The following DIXDC1 variants were observed in gnomAD, a reference collection of about 807,000 sequenced individuals.
DIXDC1 encodes DIX domain containing 1.
DIXDC1 carries 64 observed loss-of-function variants against 103.1 expected under a neutral mutation model. That is an observed-to-expected ratio of 0.62 (90% CI 0.51 to 0.76). DIXDC1 has a LOEUF of 0.76. DIXDC1 is among the 30% of genes least tolerant of loss of function. DIXDC1 has a pLI of 0.00. For missense variants in DIXDC1, 759 were observed against 834.2 expected (o/e 0.91, Z 1.11); for synonymous variants, 266 against 298.5 (o/e 0.89, Z 1.12).
intron 1 of DIXDC1, among the ~76,000 whole-genome samples, chr11:111,947,136 G>GT (rs1232687647): frequency 6.6e-6 from 1 of 152,108 alleles, no homozygotes; most frequent in African/African-American, 2.4e-5. Flanking sequence ...GAGAGTAGGG[G>GT]TGGGGGCTTG....
chr11:111,955,665 T>C (rs2137484254), intron 1 of DIXDC1, among the ~76,000 whole-genome samples: 1 of 151,514 alleles, frequency 6.6e-6, no homozygotes, highest in Middle Eastern at 3.4e-3. Flanking sequence ...TGAAACCCCA[T>C]CTCTACTAAA....
intron 2 of DIXDC1, among the ~76,000 whole-genome samples, 164 bp downstream of exon 2, chr11:111,964,842 C>T (rs774016399): frequency 1.3e-5 from 2 of 152,094 alleles, no homozygotes; most frequent in East Asian, 1.9e-4. Context: ...TTTATTTATT[C>T]GTCAATAAAC....
rs1859483211 is a variant in DIXDC1, at chr11:111,958,945, G to C, written c.61-5604G>C. Among the ~76,000 whole-genome samples, 1 of 152,090 alleles carries C rather than the reference G, an allele frequency of 6.6e-6. No individual in the cohort carries two copies. Among genetic ancestry groups the C allele is most frequent in the South Asian group, 2.1e-4 (1 of 4,816 alleles). On this transcript the variant is annotated intron_variant, in intron 1 of 19. Coordinates refer to ENST00000440460, the MANE Select transcript of DIXDC1 (RefSeq NM_001037954.4). This position sits in a 1 kb window ranked among gnomAD's most constrained non-coding sequence, Gnocchi z 4.2. ...ATGGGAAAACCAGCCAAGGAGAAGA[G>C]CTACCCACTCCAGGGTCTTCACTCT...
intron 15 of DIXDC1, 131 bp downstream of exon 15, chr11:111,995,239 G>T: frequency 7.6e-7 from 1 of 1,313,028 alleles, no homozygotes; most frequent in Middle Eastern, 2.1e-4. Flanking sequence ...AGTGTGTAAA[G>T]ATGTGAGGCA....
At chr11:111,944,998 A>G (rs1966544861) in intron 1 of DIXDC1, among the ~76,000 whole-genome samples, 1 of 152,216 alleles carries the variant, frequency 6.6e-6, no homozygotes, top group Non-Finnish European at 1.5e-5. Context: ...TAGTTCGGTT[A>G]CAAGTGCCAA....
intron 17 of DIXDC1, among the ~76,000 whole-genome samples, chr11:112,002,044 A>G (rs1426957458): frequency 1.3e-5 from 2 of 152,112 alleles, no homozygotes; most frequent in Non-Finnish European, 2.9e-5. Context: ...GGGGTGAGCC[A>G]CTGCGCCTGG....
chr11:111,988,330 T>TC (rs1165582344), intron 9 of DIXDC1, among the ~76,000 whole-genome samples: 2 of 152,224 alleles, frequency 1.3e-5, no homozygotes, highest in African/African-American at 2.4e-5. Flanking sequence ...ATCTGTGGAG[T>TC]CCAAGTTACA....
At chr11:111,957,511 G>A (rs1360474057) in intron 1 of DIXDC1, among the ~76,000 whole-genome samples, 3 of 152,172 alleles carry the variant, frequency 2.0e-5, no homozygotes, top group Non-Finnish European at 4.4e-5. Flanking sequence ...GAGATGTATT[G>A]GCATCATGTG....
intron 1 of DIXDC1, among the ~76,000 whole-genome samples, chr11:111,927,691 A>G (rs1965870303): frequency 6.6e-6 from 1 of 152,052 alleles, no homozygotes; most frequent in Non-Finnish European, 1.5e-5. Context: ...ACTGAAAATG[A>G]AATTGTAGCA....
At chr11:111,947,677 G>A (rs1311555853) in intron 1 of DIXDC1, among the ~76,000 whole-genome samples, 5 of 152,184 alleles carry the variant, frequency 3.3e-5, no homozygotes, top group African/African-American at 9.7e-5. Flanking sequence ...GCCTAAAGAA[G>A]GATAGTATAA....
chr11:111,942,727 T>C (rs1317273614), intron 1 of DIXDC1, among the ~76,000 whole-genome samples: 1 of 152,244 alleles, frequency 6.6e-6, no homozygotes, highest in African/African-American at 2.4e-5. Context: ...AGAAAATCTT[T>C]AGCTCTTTAC....
chr11:111,990,089 CTT>C (rs150547427), intron 10 of DIXDC1, among the ~76,000 whole-genome samples: 21 of 132,390 alleles, frequency 1.6e-4, no homozygotes, highest in Admixed American at 1.6e-4. Flanking sequence ...CGCGCCCGGC[CTT>C]TTTTTTTTTT....
chr11:111,959,161 G>A (rs587739305), intron 1 of DIXDC1, among the ~76,000 whole-genome samples: 19 of 152,336 alleles, frequency 1.2e-4, no homozygotes, highest in South Asian at 8.3e-4. Flanking sequence ...TGAAAGAGCT[G>A]TAACACCAAC....
At chr11:112,003,229 G>T (rs189252863) in intron 17 of DIXDC1, among the ~76,000 whole-genome samples, 1 of 152,130 alleles carries the variant, frequency 6.6e-6, no homozygotes, top group African/African-American at 2.4e-5. Context: ...TAGGCTGGGC[G>T]TGGTGGCTCA....
rs1178974262 is a variant in DIXDC1 at position 112,020,963 on chromosome 11, C to A, written c.*1927C>A. On this transcript the variant is annotated 3_prime_UTR_variant, in exon 20 of 20. Transcript: ENST00000440460. ...GAAAAAGTCCTCATGTCACCAATTT[C>A]TCTGTTGCATGAATTTTAGTGTTTT... 2.6e-5 allele frequency: 4 copies of A among 152,208 alleles called. No homozygotes were observed. The highest frequency in any genetic ancestry group is 9.6e-5 in the African/African-American group (4 of 41,454). The allele number at this position is 152,208 out of a possible 1,614,324, so 9.4% of individuals were successfully genotyped here. A position where few individuals can be genotyped will look rare whatever the true frequency, so the allele number is the denominator to read the frequency against.
upstream of DIXDC1, among the ~76,000 whole-genome samples, chr11:111,936,054 C>G (rs1966177570): frequency 6.6e-6 from 1 of 152,226 alleles, no homozygotes; most frequent in Admixed American, 6.5e-5. Context: ...AGAGCCATTA[C>G]TGACTTTTCT....
Position 111,998,253 on chromosome 11 carries a change from G to A in DIXDC1, c.1756+2107G>A, listed in dbSNP as rs1354754918. ...TTATTCACCATCAATGTTAGATGCT[G>A]GAGATATAGAGATGAAGAGGTTAGA... On this transcript the variant is annotated intron_variant, in intron 17 of 19. Transcript: ENST00000440460. This position sits in a 1 kb window ranked among gnomAD's most constrained non-coding sequence, Gnocchi z 4.1. Among the ~76,000 whole-genome samples the A allele has an allele frequency of 2.6e-5, 4 of 152,190 alleles. No homozygotes were observed. The highest frequency in any genetic ancestry group is 5.9e-5 in the Non-Finnish European group (4 of 68,028).
At chr11:111,999,640 G>A (rs1327132040) in intron 17 of DIXDC1, among the ~76,000 whole-genome samples, 6 of 152,170 alleles carry the variant, frequency 3.9e-5, no homozygotes, top group African/African-American at 1.2e-4. Context: ...TGATGTGGGT[G>A]TATCACCTGA....
intron 1 of DIXDC1, among the ~76,000 whole-genome samples, chr11:111,964,073 G>C (rs113225469): frequency 0.013 from 1,980 of 152,268 alleles, 42 homozygotes; most frequent in African/African-American, 0.045. Context: ...TCTGAGCATG[G>C]TTTATTGTTT....
Sources: allele counts gnomAD v4.1 joint callset (sites outside exome capture counted in the v4.1 genomes callset), GRCh38; gene constraint gnomAD v4.1.1; non-coding constraint Gnocchi (gnomAD v3.1); transcripts MANE v1.5; gene names NCBI Gene and HGNC (gene_info 2026-07-23, HGNC 2026-07-21).